SAXO1: variants seen among roughly 807,000 people sequenced by gnomAD.
The protein encoded by SAXO1 is stabilizer of axonemal microtubules 1.
In SAXO1, 21 loss-of-function variants were observed where a neutral mutation model predicts 17.5. The observed-to-expected ratio is 1.20, with a 90% CI of 0.85 to 1.72. The LOEUF is 1.72. SAXO1 is among the 40% of genes most tolerant of loss of function. SAXO1 has a pLI of 0.00. For synonymous variants in SAXO1, 274 were observed against 216.5 expected, an observed-to-expected ratio of 1.27 and a Z score of -2.33; for missense variants, 843 against 596.0, an observed-to-expected ratio of 1.41 and a Z score of -4.32.
chr9:18,992,471 C>G (rs1002172453), intron 1 of SAXO1, among the ~76,000 whole-genome samples: 2 of 152,196 alleles, frequency 1.3e-5, no homozygotes, highest in African/African-American at 4.8e-5. Flanking sequence ...CTCATGGTAC[C>G]TCAACTACCT....
intron 2 of SAXO1, among the ~76,000 whole-genome samples, chr9:18,949,989 C>T (rs1337428556): frequency 6.6e-6 from 1 of 152,078 alleles, no homozygotes; most frequent in Non-Finnish European, 1.5e-5. Flanking sequence ...TGAGACTGCC[C>T]AACTGCACTC....
At chr9:19,047,245 T>C (rs1836239185) in intron 1 of SAXO1, among the ~76,000 whole-genome samples, 1 of 152,228 alleles carries the variant, frequency 6.6e-6, no homozygotes, top group South Asian at 2.1e-4. Context: ...AGGCCTGTAG[T>C]CCCAGCTACT....
At position 18,956,110 on chromosome 9, in the gene SAXO1, A is replaced by ACTTTTTTTTTTTTTT. The variant is rs1554670629; in HGVS notation, c.39-5174_39-5173insAAAAAAAAAAAAAAG. ...CATGCACCACTGCACAACCTGGCTAATTTTTTTTTTTTTTTTTTTTTGTAG... is the reference window on the plus strand; with the variant it reads ...CATGCACCACTGCACAACCTGGCTAACTTTTTTTTTTTTTTTTTTTTTTTTTTTTTTTTTTTGTAG... On this transcript the variant is annotated intron_variant, in intron 1 of 3. Coordinates refer to ENST00000380534, the MANE Select transcript of SAXO1 (RefSeq NM_153707.4). Among the ~76,000 whole-genome samples, 2 of 128,812 alleles carry ACTTTTTTTTTTTTTT rather than the reference A, an allele frequency of 1.6e-5. 1 individual carries two copies. Among genetic ancestry groups the ACTTTTTTTTTTTTTT allele is most frequent in the Non-Finnish European group, 3.3e-5 (2 of 61,028 alleles). 84.5% of individuals were successfully genotyped at this position (128,812 alleles called of 152,430 possible).
chr9:19,048,488 C>CTTTAAGGT lies in SAXO1; in HGVS notation c.-158+720_-158+721insACCTTAAA, dbSNP rs150935408. On this transcript the variant is annotated intron_variant, in intron 1 of 3. Transcript: ENST00000542071. ...AAAAAAAAGGACTTTAAGGTAGATA[C>CTTTAAGGT]AGAGGCTTCAGTATCCTGATGACTC... Among the ~76,000 whole-genome samples the CTTTAAGGT allele has an allele frequency of 9.3e-3, 1,415 of 152,182 alleles. 20 individuals carry two copies. The highest frequency in any genetic ancestry group is 0.032 in the African/African-American group (1,323 of 41,496).
chr9:19,046,675 C>A (rs942850892), intron 1 of SAXO1, among the ~76,000 whole-genome samples: 1 of 150,434 alleles, frequency 6.6e-6, no homozygotes, highest in African/African-American at 2.5e-5. Context: ...GCACTCCAGC[C>A]TGGGCAACAA....
chr9:18,930,242 G>T (rs1223056204), intron 3 of SAXO1, among the ~76,000 whole-genome samples: 1 of 152,208 alleles, frequency 6.6e-6, no homozygotes, highest in Non-Finnish European at 1.5e-5. Flanking sequence ...GGCCAATCTA[G>T]ATGTCCATCT....
chr9:18,928,441 G>A lies in SAXO1; in HGVS notation c.1036C>T (p.Gln346Ter), dbSNP rs758090326. 6 of 1,610,136 alleles carry A rather than the reference G, an allele frequency of 3.7e-6. No homozygotes were observed. The East Asian group carries it at 1.1e-4, about 30-fold the overall frequency. The change falls in exon 4 of 4, where the codon CAG (glutamine) becomes TAG (stop). Residue 346 changes from glutamine to a stop codon, truncating the protein, a stop_gained. Transcript: ENST00000380534. LOFTEE classifies it low-confidence loss of function (END_TRUNC). Reference protein sequence around the residue: ...GSSTTKDDYKQWSSMRTEPVK... With the variant: ...GSSTTKDDYK ...GGCTCTGTGCGCATGCTGGACCACT[G>A]CTTGTAGTCATCCTTGGTGGTGGAA... is the stretch of plus-strand genomic sequence containing the variant.
intron 1 of SAXO1, among the ~76,000 whole-genome samples, chr9:19,001,716 T>C (rs1356517916): frequency 6.7e-6 from 1 of 150,218 alleles, no homozygotes; most frequent in East Asian, 1.9e-4. Context: ...AGACACAACG[T>C]ACCAGAATAT....
At chr9:19,021,665 C>A (rs931184960) in intron 1 of SAXO1, among the ~76,000 whole-genome samples, 2 of 152,214 alleles carry the variant, frequency 1.3e-5, no homozygotes, top group African/African-American at 2.4e-5. Context: ...GCAATCCCAA[C>A]AGTCATAGTG....
intron 1 of SAXO1, among the ~76,000 whole-genome samples, chr9:19,030,657 G>C (rs1485111516): frequency 4.6e-5 from 7 of 151,930 alleles, no homozygotes; most frequent in Non-Finnish European, 1.5e-5. Flanking sequence ...AGTGAGCAGA[G>C]ATCGCGCCAC....
At position 18,928,770 on chromosome 9, in the gene SAXO1, C is replaced by G; in HGVS notation, c.707G>C (p.Ser236Thr). Residue 236 changes from serine to threonine, a missense_variant, in exon 4 of 4, where the codon AGC (serine) becomes ACC (threonine). Physicochemically the swap from Ser to Thr is moderately conservative, Grantham distance 58 (BLOSUM62 1). Transcript: ENST00000380534. ...KFRPCEIPFE[S>T]LTTQKQSYRG... ...GTAGGATTGTTTTTGAGTGGTAAGG[C>G]TTTCAAAGGGGATTTCACAGGGCCT... 1 of 1,614,108 alleles carries G rather than the reference C, an allele frequency of 6.2e-7. No homozygotes were observed. Among genetic ancestry groups the G allele is most frequent in the Non-Finnish European group, 8.5e-7 (1 of 1,180,024 alleles).
At chr9:18,998,347 G>C (rs1229257581) in intron 1 of SAXO1, among the ~76,000 whole-genome samples, 1 of 151,960 alleles carries the variant, frequency 6.6e-6, no homozygotes, top group African/African-American at 2.4e-5. Context: ...ATTTGATCAA[G>C]CAGAAGAAAG....
At chr9:18,972,664 A>T (rs2131798641) in intron 1 of SAXO1, among the ~76,000 whole-genome samples, 1 of 152,310 alleles carries the variant, frequency 6.6e-6, no homozygotes, top group East Asian at 1.9e-4. Context: ...TTCAAGAGGA[A>T]ATGGACCTGG....
At chr9:18,948,694 G>A (rs1831897921) in intron 2 of SAXO1, among the ~76,000 whole-genome samples, 1 of 152,146 alleles carries the variant, frequency 6.6e-6, no homozygotes, top group African/African-American at 2.4e-5. Context: ...GTTGGGGCAG[G>A]TCTTCCGCCC....
At chr9:18,935,522 C>G (rs1317635505) in intron 3 of SAXO1, among the ~76,000 whole-genome samples, 1 of 152,210 alleles carries the variant, frequency 6.6e-6, no homozygotes, top group Non-Finnish European at 1.5e-5. Flanking sequence ...ATGTGCACAG[C>G]CTTCCAGACT....
In SAXO1 at chr9:18,950,746, G is replaced by C; in HGVS notation, c.218+12C>G. 1.2e-6 allele frequency: 2 copies of C among 1,610,296 alleles called. No homozygotes were observed. Among genetic ancestry groups the C allele is most frequent in the Non-Finnish European group, 1.7e-6 (2 of 1,177,448 alleles). On this transcript the variant is annotated intron_variant, in intron 2 of 3. Coordinates refer to ENST00000380534, the MANE Select transcript of SAXO1 (RefSeq NM_153707.4). The stretch of plus-strand genomic sequence containing the variant: ...GTATGTACCTGCATACATTAATACT[G>C]TTTGCCCTCACCTTGATGTAGTCAG...
intron 1 of SAXO1, among the ~76,000 whole-genome samples, chr9:19,017,207 G>A (rs1489915730): frequency 1.3e-5 from 2 of 152,076 alleles, no homozygotes; most frequent in Non-Finnish European, 2.9e-5. Flanking sequence ...AAGATCAATT[G>A]ATGCCAAAAA....
intron 3 of SAXO1, among the ~76,000 whole-genome samples, chr9:18,939,978 G>A (rs1740815275): frequency 1.3e-5 from 2 of 152,220 alleles, no homozygotes; most frequent in African/African-American, 2.4e-5. Context: ...GTGCCCAGGT[G>A]TAGACATGGG....
upstream of SAXO1, among the ~76,000 whole-genome samples, chr9:19,035,095 C>T (rs965367639): frequency 1.3e-5 from 2 of 152,200 alleles, no homozygotes; most frequent in Non-Finnish European, 2.9e-5. Context: ...CTCCCCTCAC[C>T]TAGTTACACT....
Sources: gnomAD v4.1 joint callset for allele counts (sites outside exome capture counted in the v4.1 genomes callset) on GRCh38, gnomAD v4.1.1 for gene constraint, MANE v1.5 for transcripts, NCBI Gene and HGNC (gene_info 2026-07-23, HGNC 2026-07-21) for gene names.